Variants in CFDP1 observed in about 807,000 individuals in gnomAD.
CFDP1 encodes chromatin remodeling protein CFDP1.
In CFDP1, 31 loss-of-function variants were observed where a neutral mutation model predicts 40.1. That is an observed-to-expected ratio of 0.77 (90% CI 0.58 to 1.04). The LOEUF (loss-of-function observed/expected upper bound fraction) is 1.04, where lower values mean the gene tolerates loss of function less well. CFDP1 is among the 50% of genes least tolerant of loss of function. The pLI, the probability that CFDP1 is intolerant of heterozygous loss-of-function variation, is 0.00. For missense variants in CFDP1, 423 were observed against 343.4 expected, an observed-to-expected ratio of 1.23 and a Z score of -1.83; for synonymous variants, 167 against 120.0, an observed-to-expected ratio of 1.39 and a Z score of -2.56.
At chr16:75,414,177 A>T (rs2079185171) in intron 2 of CFDP1, among the ~76,000 whole-genome samples, 1 of 152,158 alleles carries the variant, frequency 6.6e-6, no homozygotes, top group East Asian at 1.9e-4. Context: ...TGAAAATGAG[A>T]AAGTGAGTAT....
At chr16:75,348,683 T>C (rs1450794301) in intron 5 of CFDP1, among the ~76,000 whole-genome samples, 1 of 152,192 alleles carries the variant, frequency 6.6e-6, no homozygotes, top group East Asian at 1.9e-4. Context: ...AAGATACAGC[T>C]CTTAAGTGAA....
intron 1 of CFDP1, among the ~76,000 whole-genome samples, chr16:75,428,952 T>C (rs1409807051): frequency 6.6e-6 from 1 of 150,430 alleles, no homozygotes; most frequent in East Asian, 2.0e-4. Context: ...CCGTCTCTAC[T>C]ATAAAAATAC....
At chr16:75,388,919 C>A (rs11149821) in intron 5 of CFDP1, among the ~76,000 whole-genome samples, 1 of 148,852 alleles carries the variant, frequency 6.7e-6, no homozygotes, top group Admixed American at 6.7e-5. Context: ...AACATTAAGG[C>A]CTTTTTTTTT....
intron 5 of CFDP1, among the ~76,000 whole-genome samples, chr16:75,378,767 T>C (rs1470095744): frequency 1.3e-5 from 2 of 152,194 alleles, no homozygotes; most frequent in African/African-American, 4.8e-5. Flanking sequence ...AAGGAATTTA[T>C]TTAAAAGATA....
intron 5 of CFDP1, among the ~76,000 whole-genome samples, chr16:75,346,864 C>CTTG (rs1033142801): frequency 2.6e-5 from 4 of 151,972 alleles, no homozygotes; most frequent in Non-Finnish European, 5.9e-5. Flanking sequence ...GTCAACAGGA[C>CTTG]TTGCCCACCC....
At chr16:75,360,752 C>G (rs1213108103) in intron 5 of CFDP1, among the ~76,000 whole-genome samples, 1 of 152,140 alleles carries the variant, frequency 6.6e-6, no homozygotes, top group East Asian at 1.9e-4. Flanking sequence ...GTTTGATGTG[C>G]TTAAAAGAAC....
At chr16:75,416,185 T>C (rs758411487) in intron 1 of CFDP1, among the ~76,000 whole-genome samples, 2 of 151,960 alleles carry the variant, frequency 1.3e-5, no homozygotes. Context: ...ACTTATAATG[T>C]ACCAAGGACC....
At chr16:75,427,353 C>T (rs953465287) in intron 1 of CFDP1, among the ~76,000 whole-genome samples, 2 of 151,912 alleles carry the variant, frequency 1.3e-5, no homozygotes, top group South Asian at 2.1e-4. Context: ...TGGGTTCAAG[C>T]GATTCTCCTT....
Position 75,347,593 on chromosome 16 carries a change from G to A in CFDP1, c.651-42411C>T, listed in dbSNP as rs552579319. ...ACTCGGGAGGCTGAGGCAGGAGAAT[G>A]GTGTGAACCCGGGAGGCGGAGGTTG... On this transcript the variant is annotated intron_variant, in intron 5 of 6. Transcript: ENST00000283882. Among the ~76,000 whole-genome samples, 212 of 151,342 alleles carry A rather than the reference G, an allele frequency of 1.4e-3. 1 individual carries two copies. Among genetic ancestry groups the A allele is most frequent in the African/African-American group, 5.0e-3 (208 of 41,246 alleles).
At chr16:75,355,221 G>A (rs929683753) in intron 5 of CFDP1, among the ~76,000 whole-genome samples, 2 of 152,212 alleles carry the variant, frequency 1.3e-5, no homozygotes, top group East Asian at 1.9e-4. Context: ...AGTGGTTGCT[G>A]AAGGCTGGGG....
chr16:75,405,151 G>C (rs112912717), intron 4 of CFDP1, among the ~76,000 whole-genome samples: 54 of 152,272 alleles, frequency 3.5e-4, no homozygotes, highest in African/African-American at 1.3e-3. Flanking sequence ...AGTTAGGCCA[G>C]ATTTGCAAGG....
intron 5 of CFDP1, among the ~76,000 whole-genome samples, chr16:75,393,803 T>C (rs2078973418): frequency 1.4e-5 from 2 of 139,974 alleles, no homozygotes; most frequent in Admixed American, 7.4e-5. Context: ...CTCACGCCTG[T>C]AATCCTAGCA....
chr16:75,378,200 C>T (rs945588760), intron 5 of CFDP1, among the ~76,000 whole-genome samples: 1 of 152,058 alleles, frequency 6.6e-6, no homozygotes, highest in Non-Finnish European at 1.5e-5. Context: ...AACACTTCTA[C>T]AACTAGAGGA....
intron 4 of CFDP1, among the ~76,000 whole-genome samples, chr16:75,399,443 A>T (rs965140750): frequency 1.3e-5 from 2 of 152,374 alleles, no homozygotes; most frequent in Non-Finnish European, 2.9e-5. Context: ...CAGTCCTGCC[A>T]AAACCCTACT....
chr16:75,323,530 C>T (rs751688641), intron 5 of CFDP1, among the ~76,000 whole-genome samples: 3 of 151,872 alleles, frequency 2.0e-5, no homozygotes, highest in African/African-American at 7.3e-5. Context: ...CCTGTAATCC[C>T]AGCACTTGTG....
At position 75,306,991 on chromosome 16, in the gene CFDP1, C is replaced by T. The variant is rs537294169; in HGVS notation, c.651-1809G>A. On this transcript the variant is annotated intron_variant, in intron 5 of 6. Coordinates refer to ENST00000283882, the MANE Select transcript of CFDP1 (RefSeq NM_006324.3). ...AACTTACTGTGTCTCAAATCTTTTT[C>T]CTTCTCATCTTCCTTACTGCTACTG... 4.5e-4 allele frequency among the ~76,000 whole-genome samples: 69 copies of T among 152,098 alleles called. No individual in the cohort carries two copies. In the South Asian group the frequency reaches 0.014, roughly 31 times the overall value.
At chr16:75,388,364 G>A (rs927885254) in intron 5 of CFDP1, among the ~76,000 whole-genome samples, 3 of 152,208 alleles carry the variant, frequency 2.0e-5, no homozygotes, top group East Asian at 1.9e-4. Context: ...AAGATAGTAT[G>A]TTTGGTATTT....
chr16:75,418,003 C>T (rs1344993118), intron 1 of CFDP1, among the ~76,000 whole-genome samples: 5 of 151,956 alleles, frequency 3.3e-5, no homozygotes, highest in African/African-American at 1.2e-4. Flanking sequence ...TCTGTAATCC[C>T]AGCACTTTGG....
chr16:75,385,055 T>C lies in CFDP1; in HGVS notation c.650+10035A>G, dbSNP rs561265685. 3.2e-4 allele frequency among the ~76,000 whole-genome samples: 49 copies of C among 151,456 alleles called. 1 individual carries two copies. The South Asian group carries it at 9.6e-3, about 30-fold the overall frequency. On this transcript the variant is annotated intron_variant, in intron 5 of 6. Transcript: ENST00000283882. ...ATTTTTAAATAAACCTTGATAGGTA[T>C]TGCAGGTACAGAGTAAATAGATTAG...
Sources: allele counts gnomAD v4.1 joint callset (sites outside exome capture counted in the v4.1 genomes callset), GRCh38; gene constraint gnomAD v4.1.1; transcripts MANE v1.5; gene names NCBI Gene and HGNC (gene_info 2026-07-23, HGNC 2026-07-21).